ERBIN: variants seen among roughly 807,000 people sequenced by gnomAD.
ERBIN encodes the protein densin-180-like protein.
A neutral mutation model predicts 158.4 loss-of-function variants in ERBIN; 60 were observed. The observed-to-expected ratio is 0.38, with a 90% CI of 0.31 to 0.47. ERBIN has a LOEUF of 0.47. Ranked by LOEUF, ERBIN falls within the 20% of genes least tolerant of loss-of-function variation. The pLI, the probability that ERBIN is intolerant of heterozygous loss-of-function variation, is 0.99. For missense variants in ERBIN, 1,610 were observed against 1,648.0 expected (o/e 0.98, Z 0.40); for synonymous variants, 594 against 557.2 (o/e 1.07, Z -0.93).
chr5:65,963,082 GTGAT>G (rs1463699946), intron 1 of ERBIN, among the ~76,000 whole-genome samples: 2 of 152,158 alleles, frequency 1.3e-5, no homozygotes, highest in Admixed American at 6.5e-5. Flanking sequence ...GTTTCATCAT[GTGAT>G]TGATTACTTT....
At chr5:66,028,100 A>G (rs1756468864) in intron 13 of ERBIN, among the ~76,000 whole-genome samples, 174 bp from the exon 14 acceptor site, 1 of 152,020 alleles carries the variant, frequency 6.6e-6, no homozygotes, top group African/African-American at 2.4e-5. Flanking sequence ...AAAACTAGAT[A>G]TTTTGTTTTA....
At chr5:66,074,313 T>TA (rs899216094) in intron 22 of ERBIN, among the ~76,000 whole-genome samples, 1 of 152,150 alleles carries the variant, frequency 6.6e-6, no homozygotes, top group African/African-American at 2.4e-5. Flanking sequence ...GATAGTTCTC[T>TA]AACAACAACA....
chr5:65,964,770 T>C (rs988555789), intron 1 of ERBIN, among the ~76,000 whole-genome samples: 3 of 122,424 alleles, frequency 2.5e-5, no homozygotes, highest in African/African-American at 9.4e-5. Context: ...TGAGATGGAG[T>C]CTCGCTCTGT....
intron 14 of ERBIN, 95 bp downstream of exon 14, chr5:66,028,438 C>A: frequency 1.2e-6 from 1 of 860,640 alleles, no homozygotes; most frequent in Non-Finnish European, 1.9e-6. Flanking sequence ...AGCAGCTATA[C>A]ATGTGGTACA....
chr5:66,074,227 A>G (rs1761781005), intron 22 of ERBIN, among the ~76,000 whole-genome samples: 1 of 151,912 alleles, frequency 6.6e-6, no homozygotes, highest in African/African-American at 2.4e-5. Flanking sequence ...CTAACAGAAT[A>G]AGCTATTAGC....
chr5:65,988,983 C>CAAAAA (rs34731955), intron 2 of ERBIN, among the ~76,000 whole-genome samples: 4 of 62,902 alleles, frequency 6.4e-5, no homozygotes, highest in African/African-American at 1.2e-4. Flanking sequence ...ACCCTGTTTC[C>CAAAAA]AAAAAAAAAA....
chr5:66,076,052 TATTA>T (rs1761960629), intron 23 of ERBIN: 2 of 399,782 alleles, frequency 5.0e-6, no homozygotes, highest in South Asian at 3.4e-5. Flanking sequence ...ACAGGGTCAA[TATTA>T]ATTGATTCCT....
chr5:66,033,625 G>C (rs1281632979), intron 14 of ERBIN, among the ~76,000 whole-genome samples: 2 of 152,112 alleles, frequency 1.3e-5, no homozygotes, highest in Non-Finnish European at 2.9e-5. Context: ...CCAGATTGAA[G>C]GAGTTTAAGG....
intron 1 of ERBIN, among the ~76,000 whole-genome samples, chr5:65,927,782 T>A (rs976522160): frequency 1.3e-5 from 2 of 152,242 alleles, no homozygotes; most frequent in African/African-American, 4.8e-5. Context: ...GCAGGATTCA[T>A]GAAGCATGGC....
chr5:65,956,457 A>G (rs7731833), intron 1 of ERBIN, among the ~76,000 whole-genome samples: 5,760 of 144,912 alleles, frequency 0.04, 388 homozygotes, highest in African/African-American at 0.14. Flanking sequence ...GCTCACTGCA[A>G]CCTTTGCCTC....
chr5:66,026,727 A>G (rs1317959659), intron 13 of ERBIN, among the ~76,000 whole-genome samples: 3 of 151,858 alleles, frequency 2.0e-5, no homozygotes, highest in African/African-American at 7.2e-5. Context: ...AACTGTATAT[A>G]TTTTTTTCTT....
intron 4 of ERBIN, among the ~76,000 whole-genome samples, chr5:65,999,055 T>C (rs1213573235): frequency 2.3e-4 from 35 of 152,160 alleles, no homozygotes. Context: ...AAAAGATATA[T>C]GCATATCATT....
At chr5:65,989,732 G>A (rs1010248305) in intron 2 of ERBIN, among the ~76,000 whole-genome samples, 2 of 152,184 alleles carry the variant, frequency 1.3e-5, no homozygotes, top group Non-Finnish European at 2.9e-5. Context: ...GTTTACATGT[G>A]TGACTAATAA....
chr5:66,068,775 C>G, intron 21 of ERBIN: 1 of 1,024,756 alleles, frequency 9.8e-7, no homozygotes, highest in East Asian at 2.8e-5. Context: ...TGATACTTCT[C>G]TGGTTTTGGG....
intron 1 of ERBIN, among the ~76,000 whole-genome samples, chr5:65,953,982 G>A (rs16894578): frequency 0.04 from 6,091 of 151,482 alleles, 411 homozygotes; most frequent in African/African-American, 0.14. Context: ...ATTTCAGAAT[G>A]TTGGTTTCCC....
Position 65,989,038 on chromosome 5 carries a change from CT to C in ERBIN, c.-10+359del, listed in dbSNP as rs1751576900. Reference sequence around the variant, plus strand: ...ATTGTGCTCATTTTCTGGGTCGACACTTTCTTCTTCGTTGTGATTAGAAGAT... The same window carrying C: ...ATTGTGCTCATTTTCTGGGTCGACACTTCTTCTTCGTTGTGATTAGAAGAT... On this transcript the variant is annotated intron_variant, in intron 2 of 25. Transcript: ENST00000284037. 1.0e-4 allele frequency among the ~76,000 whole-genome samples: 6 copies of C among 59,850 alleles called. No homozygotes were observed. The South Asian group carries it at 5.1e-3, about 51-fold the overall frequency. The allele number at this position is 59,850 out of a possible 152,430, so 39.3% of individuals were successfully genotyped here.
At position 66,054,609 on chromosome 5, in the gene ERBIN, T is replaced by A. The variant is rs1248547750; in HGVS notation, c.3291T>A (p.Ala1097=). Reference sequence around the variant, plus strand: ...GTGATCCAGGCTCTACAAGGCGGGCTCAGATTCCTGAAGGAGATTATTTAT... The same window carrying A: ...GTGATCCAGGCTCTACAAGGCGGGCACAGATTCCTGAAGGAGATTATTTAT... ...NLGDPGSTRR[A]QIPEGDYLSY... The change falls in exon 21 of 26, where the codon GCT becomes GCA. Residue 1097 remains alanine, a synonymous_variant. Transcript: ENST00000284037. 3.1e-6 allele frequency: 5 copies of A among 1,614,010 alleles called. No individual in the cohort carries two copies. Among genetic ancestry groups the A allele is most frequent in the African/African-American group, 1.3e-5 (1 of 74,920 alleles).
chr5:66,009,741 T>C (rs16894714), intron 4 of ERBIN, among the ~76,000 whole-genome samples: 6,476 of 152,290 alleles, frequency 0.043, 474 homozygotes, highest in African/African-American at 0.15. Flanking sequence ...AGAAAATTCC[T>C]GTCTCCCATC....
chr5:66,049,845 A>G (rs189079513), intron 19 of ERBIN, among the ~76,000 whole-genome samples: 28 of 152,242 alleles, frequency 1.8e-4, no homozygotes, highest in African/African-American at 6.7e-4. Flanking sequence ...TACCTATTAT[A>G]GAATATGAAC....
Sources: allele counts gnomAD v4.1 joint callset (sites outside exome capture counted in the v4.1 genomes callset), GRCh38; gene constraint gnomAD v4.1.1; transcripts MANE v1.5; gene names NCBI Gene and HGNC (gene_info 2026-07-23, HGNC 2026-07-21).